The following LRRC7 variants were observed in gnomAD, a reference collection of about 807,000 sequenced individuals.
LRRC7 encodes leucine-rich repeat-containing protein 7.
LRRC7 carries 23 observed loss-of-function variants against 175.7 expected under a neutral mutation model. The ratio of observed to expected loss-of-function variants is 0.13; its 90% CI spans 0.09 to 0.19. LRRC7 has a LOEUF of 0.19. LRRC7 is among the 10% of genes least tolerant of loss of function. LRRC7 has a pLI of 1.00. For synonymous variants in LRRC7, 685 were observed against 680.9 expected, an observed-to-expected ratio of 1.01 and a Z score of -0.09; for missense variants, 1,354 against 1,904.7, an observed-to-expected ratio of 0.71 and a Z score of 5.38.
At chr1:69,992,746 A>C (rs1654561239) in intron 10 of LRRC7, among the ~76,000 whole-genome samples, 1 of 152,202 alleles carries the variant, frequency 6.6e-6, no homozygotes, top group South Asian at 2.1e-4. Flanking sequence ...TGCACTTAAC[A>C]AAAGTTTCTT....
chr1:70,118,992 G>T (rs1372151940), intron 26 of LRRC7, among the ~76,000 whole-genome samples: 1 of 151,588 alleles, frequency 6.6e-6, no homozygotes, highest in African/African-American at 2.4e-5. Flanking sequence ...TTATTTTTAT[G>T]GTTGCTTCCC....
Position 69,980,414 on chromosome 1 carries a change from G to A in LRRC7, c.747G>A (p.Glu249=), listed in dbSNP as rs1449479971. Residue 249 remains glutamate (E), a synonymous_variant, in exon 9 of 27, where the codon GAG becomes GAA. Coordinates refer to ENST00000651989, the MANE Select transcript of LRRC7 (RefSeq NM_001370785.2). ...TGGATCAAATACAAAATTTGAGGGA[G>A]TTATGGATGGATAATAATGCATTAC... ...EVLDQIQNLR[E]LWMDNNALQV... The A allele has an allele frequency of 6.2e-7, 1 of 1,612,572 alleles. No homozygotes were observed. The highest frequency in any genetic ancestry group is 8.5e-7 in the Non-Finnish European group (1 of 1,179,328).
chr1:70,110,466 A>G (rs958811232), intron 26 of LRRC7, among the ~76,000 whole-genome samples: 7 of 152,332 alleles, frequency 4.6e-5, no homozygotes, highest in Non-Finnish European at 8.8e-5. Flanking sequence ...TTCTAGAATT[A>G]TATGTGGGGA....
At chr1:69,617,542 C>T (rs1372347030) in intron 1 of LRRC7, among the ~76,000 whole-genome samples, 1 of 51,206 alleles carries the variant, frequency 2.0e-5, no homozygotes, top group African/African-American at 8.5e-5. Context: ...GTTATATACT[C>T]ACAGTAAAAA....
At chr1:69,724,696 G>A (rs1166329029) in intron 2 of LRRC7, among the ~76,000 whole-genome samples, 1 of 152,070 alleles carries the variant, frequency 6.6e-6, no homozygotes, top group Non-Finnish European at 1.5e-5. Flanking sequence ...TCTAGGTGCT[G>A]GAACTCTAGC....
intron 2 of LRRC7, among the ~76,000 whole-genome samples, chr1:69,727,698 G>C (rs1347965275): frequency 1.3e-5 from 2 of 152,188 alleles, no homozygotes; most frequent in African/African-American, 4.8e-5. Context: ...ACCAAGACTT[G>C]ATGTATTATT....
At chr1:69,659,824 G>T (rs1168740921) in intron 1 of LRRC7, among the ~76,000 whole-genome samples, 1 of 151,490 alleles carries the variant, frequency 6.6e-6, no homozygotes, top group Non-Finnish European at 1.5e-5. Flanking sequence ...TCTAAACATA[G>T]AAAAATCATG....
chr1:69,601,203 G>T (rs899698368), intron 1 of LRRC7, among the ~76,000 whole-genome samples: 1 of 152,088 alleles, frequency 6.6e-6, no homozygotes, highest in Non-Finnish European at 1.5e-5. Flanking sequence ...TTGCTTCCAG[G>T]CCCTCTCCGC....
chr1:69,854,919 T>TTAGA (rs1232672040), intron 7 of LRRC7, among the ~76,000 whole-genome samples: 8 of 152,126 alleles, frequency 5.3e-5, no homozygotes, highest in Non-Finnish European at 8.8e-5. Flanking sequence ...GACCTGGGCT[T>TTAGA]TAGAGTGCAG....
At chr1:69,586,787 T>C (rs1211357477) in intron 1 of LRRC7, among the ~76,000 whole-genome samples, 1 of 152,182 alleles carries the variant, frequency 6.6e-6, no homozygotes, top group East Asian at 1.9e-4. Context: ...GCTGTAATAT[T>C]TGCGCCTTAA....
At chr1:69,794,862 A>C (rs1675533823) in intron 4 of LRRC7, among the ~76,000 whole-genome samples, 1 of 152,328 alleles carries the variant, frequency 6.6e-6, no homozygotes, top group African/African-American at 2.4e-5. Context: ...ATCTGTAAGC[A>C]TCCTTAGAAG....
At chr1:69,652,038 T>C (rs1397933396) in intron 1 of LRRC7, among the ~76,000 whole-genome samples, 1 of 152,160 alleles carries the variant, frequency 6.6e-6, no homozygotes, top group Non-Finnish European at 1.5e-5. Context: ...TTTCAGCTCC[T>C]GGAATGGCTA....
At chr1:70,093,984 G>A (rs905739314) in intron 25 of LRRC7, among the ~76,000 whole-genome samples, 1 of 152,132 alleles carries the variant, frequency 6.6e-6, no homozygotes, top group Non-Finnish European at 1.5e-5. Flanking sequence ...TTTTAATGAT[G>A]CATTCACAAA....
chr1:69,984,667 A>C (rs1207642888), intron 9 of LRRC7, among the ~76,000 whole-genome samples: 1 of 152,020 alleles, frequency 6.6e-6, no homozygotes, highest in Non-Finnish European at 1.5e-5. Flanking sequence ...TCCACTTCTA[A>C]CTTTCTCTGG....
intron 11 of LRRC7, among the ~76,000 whole-genome samples, chr1:69,999,042 C>A (rs551197673): frequency 2.0e-5 from 3 of 152,322 alleles, no homozygotes; most frequent in African/African-American, 7.2e-5. Context: ...TCCCCAGCAG[C>A]CAAGTGGGGC....
chr1:69,908,437 T>C (rs1570602656), intron 7 of LRRC7, among the ~76,000 whole-genome samples: 1 of 152,038 alleles, frequency 6.6e-6, no homozygotes, highest in Admixed American at 6.5e-5. Context: ...GCTTTGAATG[T>C]GTCCCAGAGA....
At chr1:69,994,680 C>A in intron 11 of LRRC7, 47 bp downstream of exon 11, 1 of 1,289,558 alleles carries the variant, frequency 7.8e-7, no homozygotes, top group Non-Finnish European at 1.1e-6. Context: ...AAGCCAGAAA[C>A]TAAAGGATAT....
chr1:69,992,684 T>A (rs1281456271), intron 10 of LRRC7, among the ~76,000 whole-genome samples: 4 of 152,158 alleles, frequency 2.6e-5, no homozygotes, highest in Admixed American at 2.6e-4. Context: ...CCCACAGACT[T>A]GGAGCTGAGC....
chr1:69,784,564 G>A (rs1674182875), intron 3 of LRRC7, among the ~76,000 whole-genome samples: 1 of 152,074 alleles, frequency 6.6e-6, no homozygotes, highest in African/African-American at 2.4e-5. Context: ...ATAGATTGTT[G>A]TGAAGGGCTC....
Sources: gnomAD v4.1 joint callset for allele counts (sites outside exome capture counted in the v4.1 genomes callset) on GRCh38, gnomAD v4.1.1 for gene constraint, MANE v1.5 for transcripts, NCBI Gene and HGNC (gene_info 2026-07-23, HGNC 2026-07-21) for gene names.